Variants in ZNF804A observed in about 807,000 individuals in gnomAD.
ZNF804A encodes the protein zinc finger protein 804A.
ZNF804A carries 2 observed loss-of-function variants against 16.5 expected under a neutral mutation model. The ratio of observed to expected loss-of-function variants is 0.12; its 90% CI spans 0.05 to 0.38. ZNF804A has a LOEUF of 0.38. ZNF804A is among the 10% of genes least tolerant of loss of function. The pLI, the probability that ZNF804A is intolerant of heterozygous loss-of-function variation, is 0.99. For synonymous variants in ZNF804A, 534 were observed against 489.6 expected, an observed-to-expected ratio of 1.09 and a Z score of -1.20; for missense variants, 1,473 against 1,390.7, an observed-to-expected ratio of 1.06 and a Z score of -0.94.
At chr2:184,715,669 G>T (rs935421259) in intron 1 of ZNF804A, among the ~76,000 whole-genome samples, 23 of 152,150 alleles carry the variant, frequency 1.5e-4, no homozygotes, top group Admixed American at 3.9e-4. Flanking sequence ...CCAAAGTGCT[G>T]ATATTATAGG....
chr2:184,675,912 A>G lies in ZNF804A; in HGVS notation c.111+76842A>G, dbSNP rs1692422037. On this transcript the variant is annotated intron_variant, in intron 1 of 3. Transcript: ENST00000302277. ...TTATATACATTTTAATGTATGTACT[A>G]ACCTCAATTGTTTATTTTCTTGTTT... 2.0e-5 allele frequency among the ~76,000 whole-genome samples: 3 copies of G among 151,742 alleles called. No homozygotes were observed. In the South Asian group the frequency reaches 6.2e-4, roughly 31 times the overall value.
At chr2:184,823,884 A>G (rs1457051599) in intron 1 of ZNF804A, among the ~76,000 whole-genome samples, 1 of 152,222 alleles carries the variant, frequency 6.6e-6, no homozygotes, top group East Asian at 1.9e-4. Flanking sequence ...GAAAAAATTC[A>G]TATAAATTGC....
chr2:184,927,319 C>A (rs994349452), intron 2 of ZNF804A, among the ~76,000 whole-genome samples: 1 of 152,242 alleles, frequency 6.6e-6, no homozygotes, highest in Non-Finnish European at 1.5e-5. Flanking sequence ...GACTCCTGTT[C>A]TTTTCCCTTA....
intron 1 of ZNF804A, among the ~76,000 whole-genome samples, chr2:184,695,484 A>G (rs1273579278): frequency 2.0e-5 from 3 of 151,078 alleles, no homozygotes; most frequent in Admixed American, 6.6e-5. Context: ...AAAAAAAAAA[A>G]AAAAAAAAGA....
intron 1 of ZNF804A, among the ~76,000 whole-genome samples, chr2:184,727,906 A>C (rs1286312989): frequency 6.6e-6 from 1 of 151,760 alleles, no homozygotes; most frequent in South Asian, 2.1e-4. Flanking sequence ...AATTAAACTC[A>C]GAGAATAATC....
intron 1 of ZNF804A, among the ~76,000 whole-genome samples, chr2:184,651,439 A>G (rs1490147215): frequency 6.6e-6 from 1 of 152,116 alleles, no homozygotes; most frequent in Admixed American, 6.6e-5. Flanking sequence ...AAATTGGCAA[A>G]TGAGACCTAA....
At chr2:184,639,179 T>C (rs942031703) in intron 1 of ZNF804A, among the ~76,000 whole-genome samples, 1 of 145,996 alleles carries the variant, frequency 6.8e-6, no homozygotes, top group Non-Finnish European at 1.5e-5. Context: ...GTTCAAGAAA[T>C]TCTCTTGCTT....
chr2:184,724,609 C>CCAATAATAATAATAGTGCCAATA, intron 1 of ZNF804A, among the ~76,000 whole-genome samples: 1 of 151,746 alleles, frequency 6.6e-6, no homozygotes, highest in Admixed American at 6.6e-5. Context: ...GAATAATAGT[C>CCAATAATAATAATAGTGCCAATA]ACTCTGTTAT....
chr2:184,827,963 T>A (rs921799602), intron 1 of ZNF804A, among the ~76,000 whole-genome samples: 1 of 151,868 alleles, frequency 6.6e-6, no homozygotes, highest in Non-Finnish European at 1.5e-5. Context: ...TGATACAGCA[T>A]CATTATAATC....
intron 1 of ZNF804A, among the ~76,000 whole-genome samples, chr2:184,639,950 C>T (rs1488725055): frequency 3.9e-5 from 6 of 152,012 alleles, no homozygotes; most frequent in East Asian, 3.9e-4. Context: ...TGCAGTGAGC[C>T]GAGATCGCAC....
intron 1 of ZNF804A, among the ~76,000 whole-genome samples, chr2:184,641,312 A>G (rs1443150615): frequency 2.0e-5 from 3 of 152,202 alleles, no homozygotes; most frequent in African/African-American, 7.2e-5. Flanking sequence ...ATGGAGCAGC[A>G]GGCATGGATC....
intron 1 of ZNF804A, among the ~76,000 whole-genome samples, chr2:184,641,536 T>C (rs1442498520): frequency 6.6e-6 from 1 of 152,204 alleles, no homozygotes; most frequent in African/African-American, 2.4e-5. Flanking sequence ...CTTAAAATGA[T>C]TACATTTTAT....
At chr2:184,684,266 T>C (rs1228516369) in intron 1 of ZNF804A, among the ~76,000 whole-genome samples, 3 of 152,186 alleles carry the variant, frequency 2.0e-5, no homozygotes, top group Admixed American at 6.5e-5. Flanking sequence ...TGAATTTCTA[T>C]GTTGATATTT....
chr2:184,877,639 A>T (rs1020203711), intron 2 of ZNF804A, among the ~76,000 whole-genome samples: 7 of 152,262 alleles, frequency 4.6e-5, no homozygotes, highest in African/African-American at 1.7e-4. Flanking sequence ...ATATGAGAAT[A>T]ACCAGAGAAG....
chr2:184,886,070 G>C (rs1684884998), intron 2 of ZNF804A, among the ~76,000 whole-genome samples: 1 of 152,090 alleles, frequency 6.6e-6, no homozygotes, highest in Non-Finnish European at 1.5e-5. Context: ...TTCCATCTAT[G>C]AGCCTGTAAA....
chr2:184,899,606 A>G (rs1685143862), intron 2 of ZNF804A, among the ~76,000 whole-genome samples: 1 of 152,080 alleles, frequency 6.6e-6, no homozygotes, highest in South Asian at 2.1e-4. Flanking sequence ...AAAGAAAAAT[A>G]TACTTGCATA....
chr2:184,746,864 T>G (rs1559140459), intron 1 of ZNF804A, among the ~76,000 whole-genome samples: 1 of 151,468 alleles, frequency 6.6e-6, no homozygotes, highest in Admixed American at 6.6e-5. Flanking sequence ...TCCAACCACA[T>G]TATTGCAAAT....
intron 1 of ZNF804A, among the ~76,000 whole-genome samples, chr2:184,706,604 T>A (rs910937512): frequency 5.3e-5 from 8 of 152,182 alleles, no homozygotes; most frequent in African/African-American, 1.9e-4. Context: ...GAGAGTTGTC[T>A]AGCCTGACAT....
intron 1 of ZNF804A, among the ~76,000 whole-genome samples, chr2:184,657,604 A>G (rs1692101585): frequency 6.6e-6 from 1 of 152,196 alleles, no homozygotes; most frequent in Admixed American, 6.5e-5. Context: ...AATTTGGTGT[A>G]TGTCAAGAAA....
Sources: allele counts gnomAD v4.1 joint callset (sites outside exome capture counted in the v4.1 genomes callset), GRCh38; gene constraint gnomAD v4.1.1; transcripts MANE v1.5; gene names NCBI Gene and HGNC (gene_info 2026-07-23, HGNC 2026-07-21).